PDIA4: variants seen among roughly 807,000 people sequenced by gnomAD.
PDIA4 encodes protein disulfide isomerase family A member 4.
PDIA4 carries 33 observed loss-of-function variants against 62.1 expected under a neutral mutation model. That is an observed-to-expected ratio of 0.53 (90% CI 0.40 to 0.71). The LOEUF is 0.71. Ranked by LOEUF, PDIA4 falls within the 30% of genes least tolerant of loss-of-function variation. The pLI is 0.00. For synonymous variants in PDIA4, 341 were observed against 324.1 expected (o/e 1.05, Z -0.56); for missense variants, 804 against 813.6 (o/e 0.99, Z 0.14).
chr7:149,012,459 C>T, intron 4 of PDIA4, 99 bp from the exon 5 acceptor site: 2 of 995,884 alleles, frequency 2.0e-6, no homozygotes, highest in Admixed American at 2.1e-5. Context: ...CCCTAGTAAC[C>T]TGGCCACACC....
Position 149,005,241 on chromosome 7 carries a change from G to C in PDIA4, c.1422C>G (p.Val474=), listed in dbSNP as rs1823706122. Residue 474 remains valine, a synonymous_variant, in exon 9 of 10, where the codon GTC becomes GTG. Transcript: ENST00000652332. ...DLGLSESGED[V]NAAILDESGK... The stretch of plus-strand genomic sequence containing the variant: ...CACTCTCGTCCAGGATGGCGGCATT[G>C]ACATCCTCCCCACTCTCGCTGAGCC... 6.2e-7 allele frequency: 1 copy of C among 1,613,958 alleles called. No individual in the cohort carries two copies. The highest frequency in any genetic ancestry group is 1.3e-5 in the African/African-American group (1 of 74,886).
chr7:149,021,443 C>T (rs368557177), intron 1 of PDIA4, among the ~76,000 whole-genome samples: 7 of 142,364 alleles, frequency 4.9e-5, no homozygotes, highest in South Asian at 4.7e-4. Flanking sequence ...GAGCCGAGAT[C>T]GCGCCATTGC....
At position 149,008,352 on chromosome 7, in the gene PDIA4, T is replaced by C. The variant is rs961168726; in HGVS notation, c.980-42A>G. The C allele has an allele frequency of 1.9e-6, 3 of 1,583,142 alleles. No homozygotes were observed. The South Asian group carries it at 3.4e-5, about 18-fold the overall frequency. On this transcript the variant is annotated intron_variant, in intron 6 of 9. Transcript: ENST00000652332. ...ATAAGATGTAATTTTGAAAATTGCCTAAATGTCTGAGATTTAATTCGTTAC... is the reference window on the plus strand; with the variant it reads ...ATAAGATGTAATTTTGAAAATTGCCCAAATGTCTGAGATTTAATTCGTTAC...
chr7:149,016,530 T>C (rs1824145118), intron 3 of PDIA4, among the ~76,000 whole-genome samples: 1 of 152,088 alleles, frequency 6.6e-6, no homozygotes, highest in African/African-American at 2.4e-5. Context: ...TAGTACCTTT[T>C]TTTTTTTTGA....
intron 2 of PDIA4, among the ~76,000 whole-genome samples, chr7:149,020,224 G>A (rs550992033): frequency 1.0e-3 from 152 of 152,306 alleles, no homozygotes; most frequent in African/African-American, 3.3e-3. Context: ...GCCTCCCAAA[G>A]TGCTGGGATT....
At chr7:149,007,762 C>A (rs1049967183) in intron 7 of PDIA4, among the ~76,000 whole-genome samples, 1 of 152,262 alleles carries the variant, frequency 6.6e-6, no homozygotes, top group Non-Finnish European at 1.5e-5. Context: ...TAGCCCCCAG[C>A]TGGAGCTGCC....
intron 1 of PDIA4, among the ~76,000 whole-genome samples, chr7:149,027,353 T>G (rs1340353185): frequency 6.6e-6 from 1 of 152,212 alleles, no homozygotes; most frequent in East Asian, 1.9e-4. Flanking sequence ...CAAAGACTCT[T>G]TTTGAATCAG....
Position 149,012,295 on chromosome 7 carries a change from G to T in PDIA4, c.680C>A (p.Ser227Tyr), listed in dbSNP as rs764171372. The T allele has an allele frequency of 1.9e-6, 3 of 1,614,144 alleles. No homozygotes were observed. In the Admixed American group the frequency reaches 5.0e-5, roughly 27 times the overall value. Residue 227 changes from serine to tyrosine, a missense_variant, in exon 5 of 10, where the codon TCT becomes TAT. By Grantham distance (144) the Ser-to-Tyr change is moderately radical. Coordinates refer to ENST00000652332, the MANE Select transcript of PDIA4 (RefSeq NM_004911.5). The part of the protein sequence containing the change: ...EKAAKELSKR[S>Y]PPIPLAKVDA... ...GACCTTTGCCAGGGGAATTGGAGGA[G>T]AACGCTTGCTGAGCTCCTTGGCGGC...
chr7:149,012,003 T>G lies in PDIA4; in HGVS notation c.822A>C (p.Gly274=). 1.9e-6 allele frequency: 3 copies of G among 1,591,568 alleles called. No homozygotes were observed. The highest frequency in any genetic ancestry group is 2.6e-6 in the Non-Finnish European group (3 of 1,167,372). The change falls in exon 6 of 10, where the codon GGA becomes GGC. Residue 274 remains glycine (G), a splice_region_variant and synonymous_variant. Coordinates refer to ENST00000652332, the MANE Select transcript of PDIA4 (RefSeq NM_004911.5). The part of the protein sequence containing the change: ...YDYNGPREKY[G]IVDYMIEQSG... ...ACTGCTCGATCATGTAATCAACGAT[T>G]CCTGGGAGCAGGGCACACGCCTGAG...
At chr7:149,026,686 C>T (rs925643632) in intron 1 of PDIA4, among the ~76,000 whole-genome samples, 1 of 151,710 alleles carries the variant, frequency 6.6e-6, no homozygotes, top group Non-Finnish European at 1.5e-5. Flanking sequence ...ACAGTCCCAG[C>T]TCCTCGGGAG....
intron 3 of PDIA4, among the ~76,000 whole-genome samples, chr7:149,016,364 A>G (rs1400048073): frequency 6.6e-6 from 1 of 152,232 alleles, no homozygotes. Context: ...GATATGGCTA[A>G]GACATATCTG....
In PDIA4 at chr7:149,003,717, C is replaced by G; in HGVS notation, c.*77G>C. On this transcript the variant is annotated 3_prime_UTR_variant, in exon 10 of 10. Transcript: ENST00000652332. ...AATCCGAGATACTGTCGTTTGTTGC[C>G]GGCCTCGGCGTGGACGCCCCGACCA... 2 of 1,148,676 alleles carry G rather than the reference C, an allele frequency of 1.7e-6. No individual in the cohort carries two copies. The highest frequency in any genetic ancestry group is 2.4e-6 in the Non-Finnish European group (2 of 842,776). 71.2% of individuals were successfully genotyped at this position (1,148,676 alleles called of 1,614,324 possible). A position where few individuals can be genotyped will look rare whatever the true frequency, so the allele number is the denominator to read the frequency against.
intron 6 of PDIA4, among the ~76,000 whole-genome samples, chr7:149,010,260 G>A (rs1823900320): frequency 6.6e-6 from 1 of 152,160 alleles, no homozygotes; most frequent in African/African-American, 2.4e-5. Context: ...AGCACTGTGG[G>A]AGGCCGAGGC....
intron 6 of PDIA4, among the ~76,000 whole-genome samples, chr7:149,009,592 T>C (rs1563120236): frequency 6.6e-6 from 1 of 152,184 alleles, no homozygotes; most frequent in Admixed American, 6.5e-5. Context: ...TGAAAATGCA[T>C]GATGAAACCC....
chr7:149,025,700 C>G (rs1824526414), intron 1 of PDIA4, among the ~76,000 whole-genome samples: 1 of 152,182 alleles, frequency 6.6e-6, no homozygotes, highest in Non-Finnish European at 1.5e-5. Context: ...GATTTTCTTC[C>G]CAATACGCCC....
In PDIA4 at chr7:149,019,227, C is replaced by T. The variant is rs186555833; in HGVS notation, c.270-30G>A. The T allele has an allele frequency of 4.5e-4, 669 of 1,480,990 alleles. 4 individuals are homozygous for T. The African/African-American group carries it at 7.9e-3, about 18-fold the overall frequency. 91.7% of individuals were successfully genotyped at this position (1,480,990 alleles called of 1,614,324 possible). A position where few individuals can be genotyped will look rare whatever the true frequency, so the allele number is the denominator to read the frequency against. ...CAATTAGATTAGGAAGGGCAAAAAA[C>T]GTTAACTGTACCTATGGGATTTAAA... On this transcript the variant is annotated intron_variant, in intron 2 of 9. Coordinates refer to ENST00000652332, the MANE Select transcript of PDIA4 (RefSeq NM_004911.5).
At chr7:149,015,072 CA>C in intron 3 of PDIA4, 30 bp from the exon 4 acceptor site, 1 of 1,612,702 alleles carries the variant, frequency 6.2e-7, no homozygotes, top group South Asian at 1.1e-5. Context: ...ACTGAGCACA[CA>C]AGGCCCAAAC....
At chr7:149,008,069 C>T in intron 7 of PDIA4, 90 bp downstream of exon 7, 1 of 1,268,148 alleles carries the variant, frequency 7.9e-7, no homozygotes, top group African/African-American at 1.5e-5. Flanking sequence ...AGAGCGAAAC[C>T]TCCACGTTTG....
Position 149,021,095 on chromosome 7 carries a change from T to C in PDIA4, c.141A>G (p.Glu47=), listed in dbSNP as rs1418641373. 4.3e-6 allele frequency: 7 copies of C among 1,609,302 alleles called. No homozygotes were observed. The highest frequency in any genetic ancestry group is 5.9e-6 in the Non-Finnish European group (7 of 1,176,574). Reference sequence around the variant, plus strand: ...AGTCGTCTTCTTCCTCATCATCATCTTCCTCCTCCTCCTCCTCTTCATCCT... The same window carrying C: ...AGTCGTCTTCTTCCTCATCATCATCCTCCTCCTCCTCCTCCTCTTCATCCT... ...AIEDEEEEEE[E]DDDEEEDDLE... The change falls in exon 2 of 10, where the codon GAA becomes GAG. Residue 47 remains glutamate (E), a synonymous_variant. Coordinates refer to ENST00000652332, the MANE Select transcript of PDIA4 (RefSeq NM_004911.5).
Sources: gnomAD v4.1 joint callset for allele counts (sites outside exome capture counted in the v4.1 genomes callset) on GRCh38, gnomAD v4.1.1 for gene constraint, MANE v1.5 for transcripts, NCBI Gene and HGNC (gene_info 2026-07-23, HGNC 2026-07-21) for gene names.